PRPF38A: variants seen among roughly 807,000 people sequenced by gnomAD.
PRPF38A encodes the protein pre-mRNA processing factor 38A.
In PRPF38A, 11 loss-of-function variants were observed where a neutral mutation model predicts 46.8. The ratio of observed to expected loss-of-function variants is 0.24; its 90% confidence interval spans 0.15 to 0.39. The LOEUF (loss-of-function observed/expected upper bound fraction) is 0.39. Ranked by LOEUF, PRPF38A falls within the 10% of genes least tolerant of loss-of-function variation. The pLI is 1.00. For missense variants in PRPF38A, 261 were observed against 407.5 expected (o/e 0.64, Z 3.10); for synonymous variants, 124 against 136.2 (o/e 0.91, Z 0.62).
At chr1:52,408,223 G>C in intron 2 of PRPF38A, 2 of 379,672 alleles carry the variant, frequency 5.3e-6, no homozygotes, top group South Asian at 2.0e-5. Context: ...CTGGGCAACA[G>C]AGCAAGACTC....
At chr1:52,411,061 G>A in intron 3 of PRPF38A, 54 bp from the exon 4 acceptor site, 2 of 1,294,512 alleles carry the variant, frequency 1.5e-6, no homozygotes, top group South Asian at 2.4e-5. Context: ...TTTACTTTTT[G>A]GCATCTAAAT....
Position 52,407,321 on chromosome 1 carries a change from G to A in PRPF38A, c.291-1248G>A, listed in dbSNP as rs574568646. ...GTGAGCCACCGCCCCTGGCTGGAACGACTCTAATAAAGCATTAACAGCTAG... is the reference window on the plus strand; with the variant it reads ...GTGAGCCACCGCCCCTGGCTGGAACAACTCTAATAAAGCATTAACAGCTAG... On this transcript the variant is annotated intron_variant, in intron 2 of 9. Transcript: ENST00000257181. 3.3e-5 allele frequency among the ~76,000 whole-genome samples: 5 copies of A among 152,276 alleles called. No individual in the cohort carries two copies. In the East Asian group the frequency reaches 9.7e-4, roughly 29 times the overall value.
At position 52,420,679 on chromosome 1, in the gene PRPF38A, T is replaced by C. The variant is rs970253375; in HGVS notation, c.*3989T>C. 2.6e-5 allele frequency: 4 copies of C among 152,182 alleles called. No homozygotes were observed. The East Asian group carries it at 7.7e-4, about 29-fold the overall frequency. 9.4% of individuals were successfully genotyped at this position (152,182 alleles called of 1,614,324 possible). The stretch of plus-strand genomic sequence containing the variant: ...TTTTGTAAAACTATTTGTATATATG[T>C]GCCTGTATGATTAAGAGAGATGGTT... On this transcript the variant is annotated 3_prime_UTR_variant, in exon 10 of 10. Transcript: ENST00000257181.
intron 2 of PRPF38A, among the ~76,000 whole-genome samples, chr1:52,407,190 T>C (rs139973701): frequency 0.015 from 2,332 of 152,272 alleles, 22 homozygotes; most frequent in Non-Finnish European, 0.024. Flanking sequence ...GCTAATTTTT[T>C]GTATTTTTAC....
At chr1:52,409,243 T>C (rs1005288552) in intron 3 of PRPF38A, among the ~76,000 whole-genome samples, 5 of 152,208 alleles carry the variant, frequency 3.3e-5, no homozygotes, top group Non-Finnish European at 7.3e-5. Context: ...TCAAAACCTT[T>C]TCTCACTTGG....
intron 1 of PRPF38A, 117 bp from the exon 2 acceptor site, chr1:52,405,563 G>A (rs1355103523): frequency 1.4e-5 from 12 of 881,630 alleles, no homozygotes; most frequent in Admixed American, 2.3e-5. Flanking sequence ...ATACACATTC[G>A]TTCTCCTAAT....
intron 4 of PRPF38A, 127 bp downstream of exon 4, chr1:52,411,327 C>T: frequency 1.6e-6 from 1 of 640,644 alleles, no homozygotes; most frequent in South Asian, 1.9e-5. Context: ...GAATAGTCTT[C>T]CTGTCTGGGA....
intron 8 of PRPF38A, 65 bp downstream of exon 8, chr1:52,414,924 C>A: frequency 6.8e-7 from 1 of 1,465,686 alleles, no homozygotes; most frequent in Non-Finnish European, 9.6e-7. Context: ...AGTAGTTAGC[C>A]TCCTGCAGTA....
rs1325680208 is a variant in PRPF38A at position 52,417,397 on chromosome 1, C to T, written c.*707C>T. 2.6e-5 allele frequency: 4 copies of T among 152,134 alleles called. No individual in the cohort carries two copies. Among genetic ancestry groups the T allele is most frequent in the Non-Finnish European group, 5.9e-5 (4 of 68,028 alleles). The allele number at this position is 152,134 out of a possible 1,614,324, so 9.4% of individuals were successfully genotyped here. On this transcript the variant is annotated 3_prime_UTR_variant, in exon 10 of 10. Coordinates refer to ENST00000257181, the MANE Select transcript of PRPF38A (RefSeq NM_032864.4). ...AGCATTGACATTATCCAGGCCTAGTCAGTAGCAGTAGGGTAACGGGATTGA... is the reference window on the plus strand; with the variant it reads ...AGCATTGACATTATCCAGGCCTAGTTAGTAGCAGTAGGGTAACGGGATTGA...
intron 2 of PRPF38A, 180 bp from the exon 3 acceptor site, chr1:52,408,389 T>G: frequency 1.3e-6 from 1 of 768,288 alleles, no homozygotes; most frequent in Non-Finnish European, 2.3e-6. Flanking sequence ...CATGGGAACT[T>G]GAACTCAGGT....
At chr1:52,411,069 A>T in intron 3 of PRPF38A, 46 bp from the exon 4 acceptor site, 1 of 1,429,156 alleles carries the variant, frequency 7.0e-7, no homozygotes, top group Non-Finnish European at 9.9e-7. Flanking sequence ...TTGGCATCTA[A>T]ATCTTTTATT....
intron 5 of PRPF38A, 60 bp from the exon 6 acceptor site, chr1:52,413,819 G>T (rs1413545935): frequency 2.7e-6 from 3 of 1,105,850 alleles, no homozygotes; most frequent in Middle Eastern, 2.2e-4. Context: ...TATAATTAGT[G>T]TTCCTAGATG....
intron 4 of PRPF38A, 138 bp downstream of exon 4, chr1:52,411,338 G>A: frequency 1.6e-6 from 1 of 614,604 alleles, no homozygotes; most frequent in Middle Eastern, 3.5e-4. Flanking sequence ...CTGTCTGGGA[G>A]TCCCAAGATA....
At chr1:52,406,962 C>A (rs1648013461) in intron 2 of PRPF38A, among the ~76,000 whole-genome samples, 1 of 152,172 alleles carries the variant, frequency 6.6e-6, no homozygotes, top group African/African-American at 2.4e-5. Flanking sequence ...TCAAAAGCCT[C>A]CTAGTTACCC....
At chr1:52,416,316 T>C (rs1171576795) in intron 9 of PRPF38A, among the ~76,000 whole-genome samples, 1 of 147,160 alleles carries the variant, frequency 6.8e-6, no homozygotes, top group Non-Finnish European at 1.5e-5. Context: ...CAGGACTCCT[T>C]TTTTTTTTTT....
At chr1:52,405,496 G>T (rs746024895) in intron 1 of PRPF38A, among the ~76,000 whole-genome samples, 184 bp from the exon 2 acceptor site, 13 of 152,116 alleles carry the variant, frequency 8.5e-5, no homozygotes, top group Non-Finnish European at 1.9e-4. Context: ...GCTTAGCAGG[G>T]TACCTATTTT....
At chr1:52,410,260 C>A (rs1195055566) in intron 3 of PRPF38A, among the ~76,000 whole-genome samples, 2 of 148,358 alleles carry the variant, frequency 1.3e-5, no homozygotes, top group African/African-American at 2.4e-5. Flanking sequence ...CAAGATTGCA[C>A]CACTGCACTC....
In PRPF38A at chr1:52,419,667, A is replaced by G. The variant is rs1648413879; in HGVS notation, c.*2977A>G. ...GTTTAAAGGCCTTATACTAGAAACC[A>G]CAAAACATAAAACAGCACAGAGAAA... On this transcript the variant is annotated 3_prime_UTR_variant, in exon 10 of 10. Transcript: ENST00000257181. 6.6e-6 allele frequency: 1 copy of G among 152,224 alleles called. No homozygotes were observed. Among genetic ancestry groups the G allele is most frequent in the South Asian group, 2.1e-4 (1 of 4,830 alleles). 9.4% of individuals were successfully genotyped at this position (152,224 alleles called of 1,614,324 possible).
rs1322859704 is a variant in PRPF38A, at chr1:52,419,507, TCA to T, written c.*2820_*2821del. On this transcript the variant is annotated 3_prime_UTR_variant, in exon 10 of 10. Coordinates refer to ENST00000257181, the MANE Select transcript of PRPF38A (RefSeq NM_032864.4). Reference sequence around the variant, plus strand: ...ATAAGCATTATTTAGAAAAGAACGATCACAGATTGCCCACTCCCTCAAAAAGG... The same window carrying T: ...ATAAGCATTATTTAGAAAAGAACGATCAGATTGCCCACTCCCTCAAAAAGG... 1 of 151,864 alleles carries T rather than the reference TCA, an allele frequency of 6.6e-6. No homozygotes were observed. The highest frequency in any genetic ancestry group is 1.5e-5 in the Non-Finnish European group (1 of 67,996). 9.4% of individuals were successfully genotyped at this position (151,864 alleles called of 1,614,324 possible).
Sources: gnomAD v4.1 joint callset for allele counts (sites outside exome capture counted in the v4.1 genomes callset) on GRCh38, gnomAD v4.1.1 for gene constraint, MANE v1.5 for transcripts, NCBI Gene and HGNC (gene_info 2026-07-23, HGNC 2026-07-21) for gene names.